DPP6: variants seen among roughly 807,000 people sequenced by gnomAD.
DPP6 encodes dipeptidyl peptidase like 6.
Under a neutral mutation model 122.6 loss-of-function variants are expected in DPP6, and 69 were observed. The observed-to-expected ratio is 0.56, with a 90% CI of 0.46 to 0.69. DPP6 has a LOEUF of 0.69. DPP6 is among the 30% of genes least tolerant of loss of function. The pLI, the probability that DPP6 is intolerant of heterozygous loss-of-function variation, is 0.00. For synonymous variants in DPP6, 418 were observed against 433.1 expected, an observed-to-expected ratio of 0.97 and a Z score of 0.43; for missense variants, 928 against 1,116.9, an observed-to-expected ratio of 0.83 and a Z score of 2.41.
At chr7:154,753,890 A>T (rs1338404156) in intron 8 of DPP6, among the ~76,000 whole-genome samples, 1 of 152,180 alleles carries the variant, frequency 6.6e-6, no homozygotes, top group Non-Finnish European at 1.5e-5. Flanking sequence ...AGAGGCCCTG[A>T]GCTGCTTCCT....
intron 1 of DPP6, among the ~76,000 whole-genome samples, chr7:154,263,503 T>C (rs1415775580): frequency 6.6e-6 from 1 of 152,102 alleles, no homozygotes; most frequent in African/African-American, 2.4e-5. Context: ...TGGAAGGAAA[T>C]TGATCCTGAG....
chr7:153,759,382 A>C, the DPP6 span, among the ~76,000 whole-genome samples: 1 of 151,622 alleles, frequency 6.6e-6, no homozygotes, highest in African/African-American at 2.4e-5. Flanking sequence ...GCAGTGGCCC[A>C]ATCTCGGCCC....
intron 1 of DPP6, among the ~76,000 whole-genome samples, chr7:154,248,045 G>A (rs574962510): frequency 6.6e-6 from 1 of 152,200 alleles, no homozygotes; most frequent in East Asian, 1.9e-4. Context: ...GTTCTGATGA[G>A]GGCCCTCTAC....
chr7:154,709,778 C>T (rs1278975406), intron 7 of DPP6, among the ~76,000 whole-genome samples: 1 of 152,138 alleles, frequency 6.6e-6, no homozygotes, highest in Non-Finnish European at 1.5e-5. Flanking sequence ...ATCTCTCTCG[C>T]TTCTTCTTAT....
chr7:154,051,319 T>C (rs184219635), upstream of DPP6, among the ~76,000 whole-genome samples: 2,282 of 126,008 alleles, frequency 0.018, 109 homozygotes, highest in Admixed American at 0.026. Flanking sequence ...TGATAGGTCC[T>C]TCCCGGCCGG....
intron 1 of DPP6, among the ~76,000 whole-genome samples, chr7:154,356,970 AT>A (rs1232803458): frequency 6.6e-6 from 1 of 152,192 alleles, no homozygotes; most frequent in African/African-American, 2.4e-5. Context: ...ACAATATTAC[AT>A]TGAATTTTGG....
At chr7:154,361,603 CAA>C (rs34342809) in intron 1 of DPP6, among the ~76,000 whole-genome samples, 9,392 of 57,566 alleles carry the variant, frequency 0.16, 347 homozygotes, top group African/African-American at 0.23. Context: ...AATTGCTAGC[CAA>C]AAAAAAAAAA....
intron 5 of DPP6, among the ~76,000 whole-genome samples, chr7:154,611,327 G>A (rs1013627385): frequency 2.6e-5 from 4 of 152,060 alleles, no homozygotes; most frequent in African/African-American, 7.2e-5. Flanking sequence ...AAATGGATAC[G>A]GGCAGAGTGT....
At chr7:153,774,458 A>G in the DPP6 span, among the ~76,000 whole-genome samples, 66,140 of 152,042 alleles carry the variant, frequency 0.44, 14,744 homozygotes, top group South Asian at 0.54. Flanking sequence ...TATGTCAATC[A>G]TGTGAGGAAC....
intron 1 of DPP6, among the ~76,000 whole-genome samples, chr7:153,989,391 A>G: frequency 6.6e-6 from 1 of 150,602 alleles, no homozygotes; most frequent in Non-Finnish European, 1.5e-5. Flanking sequence ...GAGTTGTGTG[A>G]TTGTGTGTAC....
chr7:154,868,058 A>C lies in DPP6; in HGVS notation c.1778A>C (p.Lys593Thr), dbSNP rs377734489. 1 of 1,609,502 alleles carries C rather than the reference A, an allele frequency of 6.2e-7. No individual in the cohort carries two copies. The highest frequency in any genetic ancestry group is 1.3e-5 in the African/African-American group (1 of 75,010). Residue 593 changes from lysine to threonine, a missense_variant, in exon 18 of 26, where the codon AAA becomes ACA. Coordinates refer to ENST00000377770, the MANE Select transcript of DPP6 (RefSeq NM_130797.4). ...KKAINDRQMP[K>T]VEYRDIEIDD... ...GCCATAAATGACCGACAGATGCCTA[A>C]AGTGGAATACAGGGACATTGAGATT...
At chr7:153,964,999 T>TCTTCCTTCCTTCCTTCCTTC (rs1209264469) in intron 1 of DPP6, among the ~76,000 whole-genome samples, 1 of 62,432 alleles carries the variant, frequency 1.6e-5, no homozygotes, top group African/African-American at 7.6e-5. Flanking sequence ...TTCCTTCCTT[T>TCTTCCTTCCTTCCTTCCTTC]CTTCCTTCCT....
intron 1 of DPP6, among the ~76,000 whole-genome samples, chr7:154,015,389 T>G (rs1403136491): frequency 6.6e-6 from 1 of 152,160 alleles, no homozygotes; most frequent in South Asian, 2.1e-4. Flanking sequence ...TCTCATATAC[T>G]GGCCATATGA....
At chr7:154,597,657 A>G (rs1833180982) in intron 5 of DPP6, among the ~76,000 whole-genome samples, 1 of 152,042 alleles carries the variant, frequency 6.6e-6, no homozygotes, top group Non-Finnish European at 1.5e-5. Flanking sequence ...GGCTGTCGTA[A>G]CAAAGTGCTA....
chr7:154,474,880 T>A lies in DPP6; in HGVS notation c.359-59T>A, dbSNP rs969864849. The A allele has an allele frequency of 1.9e-5, 24 of 1,292,364 alleles. No homozygotes were observed. The African/African-American group carries it at 2.2e-4, about 12-fold the overall frequency. 80.1% of individuals were successfully genotyped at this position (1,292,364 alleles called of 1,614,324 possible). ...TAAATGACAATCAGAATGTTTATGG[T>A]CCTCTCATTTTACTAATTATGAAAC... is the stretch of plus-strand genomic sequence containing the variant. On this transcript the variant is annotated intron_variant, in intron 2 of 25. Coordinates refer to ENST00000377770, the MANE Select transcript of DPP6 (RefSeq NM_130797.4).
Position 154,295,972 on chromosome 7 carries a change from T to C in DPP6, c.244-150242T>C, listed in dbSNP as rs1476424732. The stretch of plus-strand genomic sequence containing the variant: ...TTTTTTTTTTTTTTTTGAGACAGAG[T>C]CTCTCTCTGTCACCCAGGCTGGAGT... On this transcript the variant is annotated intron_variant, in intron 1 of 25. Transcript: ENST00000377770. Among the ~76,000 whole-genome samples the C allele has an allele frequency of 4.8e-5, 7 of 144,952 alleles. No individual in the cohort carries two copies. The Admixed American group carries it at 4.9e-4, about 10-fold the overall frequency.
intron 4 of DPP6, among the ~76,000 whole-genome samples, chr7:154,563,526 A>C (rs945630732): frequency 2.0e-5 from 3 of 152,220 alleles, no homozygotes; most frequent in African/African-American, 7.2e-5. Flanking sequence ...TACCTTAGAC[A>C]AGGGTAATGG....
chr7:153,979,083 A>G (rs1229534165), intron 1 of DPP6, among the ~76,000 whole-genome samples: 2 of 152,056 alleles, frequency 1.3e-5, no homozygotes, highest in Non-Finnish European at 2.9e-5. Flanking sequence ...CTGTGAAGAA[A>G]GTCAGTGGTA....
At chr7:154,883,049 ATGCT>A (rs531865016) in intron 21 of DPP6, among the ~76,000 whole-genome samples, 25,824 of 149,838 alleles carry the variant, frequency 0.17, 2,609 homozygotes, top group African/African-American at 0.28. Flanking sequence ...TCACACACAC[ATGCT>A]CACACATTCA....
Sources: gnomAD v4.1 joint callset for allele counts (sites outside exome capture counted in the v4.1 genomes callset) on GRCh38, gnomAD v4.1.1 for gene constraint, MANE v1.5 for transcripts, NCBI Gene and HGNC (gene_info 2026-07-23, HGNC 2026-07-21) for gene names.